Variants in ZNF540 observed in about 807,000 individuals in gnomAD.
The protein encoded by ZNF540 is CTD-3064H18.6.
ZNF540 carries 3 observed loss-of-function variants against 11.8 expected under a neutral mutation model. The ratio of observed to expected loss-of-function variants is 0.25; its 90% CI spans 0.12 to 0.65. The LOEUF is 0.65. Among genes scored for constraint, ZNF540 ranks in the 30% least tolerant of loss-of-function variants. The probability of loss-of-function intolerance (pLI) is 0.83; values close to 1 mark genes in which losing one functional copy is unlikely to be tolerated. For synonymous variants in ZNF540, 247 were observed against 259.0 expected (o/e 0.95, Z 0.45); for missense variants, 709 against 793.1 (o/e 0.89, Z 1.27).
At position 37,582,569 on chromosome 19, in the gene ZNF540, A is replaced by G. The variant is rs755662997; in HGVS notation, c.-72-15807A>G. Reference sequence around the variant, plus strand: ...CGGTACAGAGAGTAATCCCATATTTATCTCTTCAGTCCTGACTATCCCCTC... The same window carrying G: ...CGGTACAGAGAGTAATCCCATATTTGTCTCTTCAGTCCTGACTATCCCCTC... On this transcript the variant is annotated intron_variant, in intron 1 of 4. Transcript: ENST00000592533. 2.5e-4 allele frequency among the ~76,000 whole-genome samples: 38 copies of G among 152,096 alleles called. 1 individual carries two copies. The highest frequency in any genetic ancestry group is 8.8e-5 in the Non-Finnish European group (6 of 68,022).
At chr19:37,582,464 G>C (rs1340841474) in intron 1 of ZNF540, among the ~76,000 whole-genome samples, 2 of 152,022 alleles carry the variant, frequency 1.3e-5, no homozygotes, top group East Asian at 1.9e-4. Flanking sequence ...CTGAATGTTG[G>C]AACACCCCAT....
At chr19:37,565,507 A>T in intron 1 of ZNF540, 3 of 1,613,828 alleles carry the variant, frequency 1.9e-6, no homozygotes, top group Non-Finnish European at 2.5e-6. Flanking sequence ...CCTTACACTC[A>T]TAAGGTTTCT....
At chr19:37,585,954 C>A (rs141709923) in intron 1 of ZNF540, 1 of 152,274 alleles carries the variant, frequency 6.6e-6, no homozygotes, top group Non-Finnish European at 1.5e-5. Flanking sequence ...CCCCAGGGAT[C>A]GTGGACAGCC....
At chr19:37,583,899 A>G in intron 1 of ZNF540, 1 of 1,484,804 alleles carries the variant, frequency 6.7e-7, no homozygotes, top group Non-Finnish European at 9.1e-7. Context: ...GGGAATGGAG[A>G]TCAGAAATTC....
intron 1 of ZNF540, chr19:37,563,906 TAAAGTAACAATC>T (rs1268814035): frequency 6.6e-6 from 1 of 152,146 alleles, no homozygotes; most frequent in African/African-American, 2.4e-5. Flanking sequence ...CTTTTTCCCT[TAAAGTAACAATC>T]AGAAAATGTG....
chr19:37,614,022 C>G lies in ZNF540; in HGVS notation c.*759C>G, dbSNP rs1599594863. 5.1e-6 allele frequency: 2 copies of G among 395,868 alleles called. No individual in the cohort carries two copies. Among genetic ancestry groups the G allele is most frequent in the African/African-American group, 2.1e-5 (1 of 48,688 alleles). 24.5% of individuals were successfully genotyped at this position (395,868 alleles called of 1,614,324 possible). A position where few individuals can be genotyped will look rare whatever the true frequency, so the allele number is the denominator to read the frequency against. Reference sequence around the variant, plus strand: ...TGCAAAAGAGGGCCTTCACCAGAACCCAAGCATGCTGGCACCTTGACCTTG... The same window carrying G: ...TGCAAAAGAGGGCCTTCACCAGAACGCAAGCATGCTGGCACCTTGACCTTG... On this transcript the variant is annotated 3_prime_UTR_variant, in exon 5 of 5. Transcript: ENST00000316433.
intron 1 of ZNF540, among the ~76,000 whole-genome samples, chr19:37,577,125 C>T (rs554475656): frequency 6.6e-6 from 1 of 152,104 alleles, no homozygotes; most frequent in South Asian, 2.1e-4. Context: ...AAATTTAAGG[C>T]GAAAGGAAAA....
intron 1 of ZNF540, chr19:37,597,483 A>C (rs2044005140): frequency 6.6e-6 from 1 of 152,272 alleles, no homozygotes; most frequent in Non-Finnish European, 1.5e-5. Context: ...GCTGGAGTGC[A>C]ATGGGGCGAT....
intron 4 of ZNF540, among the ~76,000 whole-genome samples, chr19:37,609,829 C>T (rs1370348661): frequency 6.6e-6 from 1 of 151,160 alleles, no homozygotes; most frequent in African/African-American, 2.4e-5. Context: ...TCCTGGGTGA[C>T]AGAGTGAGAC....
intron 1 of ZNF540, among the ~76,000 whole-genome samples, chr19:37,577,989 G>A (rs1256109601): frequency 1.3e-5 from 2 of 152,172 alleles, no homozygotes; most frequent in Non-Finnish European, 2.9e-5. Flanking sequence ...CTCCGCCTCC[G>A]GTCAGATCAG....
At chr19:37,607,664 A>G (rs1030565758) in intron 4 of ZNF540, among the ~76,000 whole-genome samples, 3 of 152,142 alleles carry the variant, frequency 2.0e-5, no homozygotes, top group Non-Finnish European at 4.4e-5. Context: ...TTAGCACTGA[A>G]TAATAGTCCA....
At position 37,612,451 on chromosome 19, in the gene ZNF540, T is replaced by C. The variant is rs754900134; in HGVS notation, c.1171T>C (p.Ser391Pro). 6.2e-7 allele frequency: 1 copy of C among 1,613,918 alleles called. No individual in the cohort carries two copies. Among genetic ancestry groups the C allele is most frequent in the South Asian group, 1.1e-5 (1 of 91,072 alleles). The stretch of plus-strand genomic sequence containing the variant: ...TTATGAATGTAAGGAGTGTGGGAAA[T>C]CATTTAATGTGCGTGGACAGCTTAA... Reference protein sequence around the residue: ...KPYECKECGKSFNVRGQLNRH... With the variant: ...KPYECKECGKPFNVRGQLNRH... The change falls in exon 5 of 5, where the codon TCA becomes CCA. Residue 391 changes from serine (S) to proline (P), a missense_variant. Ser to Pro is a moderately conservative substitution (Grantham distance 74). Coordinates refer to ENST00000316433, the MANE Select transcript of ZNF540 (RefSeq NM_001172225.3).
chr19:37,573,814 C>T (rs1167247624), intron 1 of ZNF540, among the ~76,000 whole-genome samples: 2 of 146,156 alleles, frequency 1.4e-5, no homozygotes, highest in Non-Finnish European at 3.0e-5. Flanking sequence ...GTCTGCGCAA[C>T]AGAACGAGAT....
chr19:37,572,590 T>C (rs1389477019), intron 1 of ZNF540, among the ~76,000 whole-genome samples: 1 of 152,154 alleles, frequency 6.6e-6, no homozygotes, highest in African/African-American at 2.4e-5. Context: ...TGGGGGAGCC[T>C]TGGAATGTAT....
chr19:37,568,571 CTAATA>C (rs1305725169), intron 1 of ZNF540, among the ~76,000 whole-genome samples: 1 of 152,070 alleles, frequency 6.6e-6, no homozygotes, highest in Admixed American at 6.5e-5. Context: ...AAATATTAAT[CTAATA>C]TGATTCTGGG....
chr19:37,603,447 C>CGACAATG (rs1487390751), intron 4 of ZNF540, among the ~76,000 whole-genome samples: 2 of 152,076 alleles, frequency 1.3e-5, no homozygotes, highest in African/African-American at 2.4e-5. Flanking sequence ...ACTATAGATA[C>CGACAATG]GACAATGGAT....
chr19:37,560,407 C>T (rs1211481337), intron 1 of ZNF540: 3 of 148,758 alleles, frequency 2.0e-5, no homozygotes, highest in Non-Finnish European at 4.4e-5. Context: ...GAGACTTGCT[C>T]TGTTGCCCAG....
At chr19:37,557,741 A>G (rs1223518505) in intron 1 of ZNF540, among the ~76,000 whole-genome samples, 1 of 152,222 alleles carries the variant, frequency 6.6e-6, no homozygotes. Context: ...ATCTAACAGT[A>G]AACTCTGATA....
intron 1 of ZNF540, among the ~76,000 whole-genome samples, chr19:37,566,761 C>G (rs963046356): frequency 1.3e-5 from 2 of 152,148 alleles, no homozygotes; most frequent in African/African-American, 4.8e-5. Context: ...ATGATCTATT[C>G]TTCATACAGC....
Sources: gnomAD v4.1 joint callset for allele counts (sites outside exome capture counted in the v4.1 genomes callset) on GRCh38, gnomAD v4.1.1 for gene constraint, MANE v1.5 for transcripts, NCBI Gene and HGNC (gene_info 2026-07-23, HGNC 2026-07-21) for gene names.